The following OR14A2 variants were observed in gnomAD, a reference collection of about 807,000 sequenced individuals.
OR14A2 encodes the protein olfactory receptor 14A2.
For synonymous variants in OR14A2, 114 were observed against 58.6 expected (o/e 1.95, Z -4.32); for missense variants, 237 against 152.9 (o/e 1.55, Z -2.90).
the OR14A2 span, among the ~76,000 whole-genome samples, chr1:247,741,363 CT>C: frequency 6.6e-6 from 1 of 152,176 alleles, no homozygotes; most frequent in Admixed American, 6.6e-5. Flanking sequence ...TTTGTCACTA[CT>C]TCTTTAACAC....
At chr1:247,747,194 T>C in the OR14A2 span, 3 of 152,132 alleles carry the variant, frequency 2.0e-5, no homozygotes, top group African/African-American at 7.2e-5. Flanking sequence ...TTCCTTTCCA[T>C]AGTAGTCCAA....
At chr1:247,747,747 A>G in the OR14A2 span, among the ~76,000 whole-genome samples, 9 of 152,310 alleles carry the variant, frequency 5.9e-5, no homozygotes, top group South Asian at 1.5e-3. Context: ...ATGATTCACC[A>G]TGTAGGACTT....
the OR14A2 span, among the ~76,000 whole-genome samples, chr1:247,729,058 CT>C: frequency 6.6e-6 from 1 of 152,056 alleles, no homozygotes; most frequent in Non-Finnish European, 1.5e-5. Context: ...ATTTGCCTTT[CT>C]TTTATTTCAA....
the OR14A2 span, among the ~76,000 whole-genome samples, chr1:247,735,606 T>C: frequency 2.0e-5 from 3 of 151,710 alleles, no homozygotes; most frequent in Non-Finnish European, 2.9e-5. Flanking sequence ...CCCAGGAGAG[T>C]CCCATATAGT....
the OR14A2 span, among the ~76,000 whole-genome samples, chr1:247,731,403 G>C: frequency 6.6e-6 from 1 of 151,738 alleles, no homozygotes; most frequent in Non-Finnish European, 1.5e-5. Flanking sequence ...AAAGATTGGT[G>C]CTTATACTTT....
chr1:247,731,611 A>T, the OR14A2 span, among the ~76,000 whole-genome samples: 5 of 151,516 alleles, frequency 3.3e-5, no homozygotes, highest in Admixed American at 6.6e-5. Flanking sequence ...TAGATAATTT[A>T]TATGCTCTAT....
chr1:247,727,749 C>T (rs547094615), upstream of OR14A2, among the ~76,000 whole-genome samples: 4 of 148,264 alleles, frequency 2.7e-5, no homozygotes, highest in African/African-American at 7.7e-5. Flanking sequence ...ATATCACCAC[C>T]GATCCCACAG....
At chr1:247,728,790 T>G (rs1469212991), upstream of OR14A2, among the ~76,000 whole-genome samples, 17 of 152,210 alleles carry the variant, frequency 1.1e-4, no homozygotes. Context: ...GGACACAGGA[T>G]TACTCATCAG....
chr1:247,736,206 A>T, the OR14A2 span, among the ~76,000 whole-genome samples: 3 of 135,282 alleles, frequency 2.2e-5, no homozygotes, highest in Non-Finnish European at 4.6e-5. Flanking sequence ...TTGCTCTCTC[A>T]TTCTCTCCAT....
chr1:247,728,154 C>A (rs892319466), upstream of OR14A2, among the ~76,000 whole-genome samples: 8 of 151,978 alleles, frequency 5.3e-5, no homozygotes, highest in African/African-American at 1.7e-4. Context: ...CCTTGATGAA[C>A]ATTGATGCAA....
upstream of OR14A2, among the ~76,000 whole-genome samples, chr1:247,727,118 T>C (rs1418862175): frequency 6.6e-6 from 1 of 150,636 alleles, no homozygotes; most frequent in Non-Finnish European, 1.5e-5. Context: ...GTAAATTACC[T>C]TGGGCAGTAT....
chr1:247,742,230 T>G, the OR14A2 span, among the ~76,000 whole-genome samples: 1 of 152,220 alleles, frequency 6.6e-6, no homozygotes, highest in Non-Finnish European at 1.5e-5. Flanking sequence ...CCAGTCTGGT[T>G]TTCTTATACC....
chr1:247,733,496 A>G, the OR14A2 span, among the ~76,000 whole-genome samples: 3 of 152,130 alleles, frequency 2.0e-5, no homozygotes, highest in Admixed American at 6.6e-5. Context: ...CAATCATGCT[A>G]TCTGCTCATT....
At chr1:247,739,288 G>T in the OR14A2 span, 1 of 780,814 alleles carries the variant, frequency 1.3e-6, no homozygotes, top group Admixed American at 1.7e-5. Flanking sequence ...GCTGTGTTAA[G>T]GATATCACAG....
the OR14A2 span, chr1:247,739,146 G>A: frequency 4.8e-3 from 3,778 of 780,732 alleles, 101 homozygotes; most frequent in African/African-American, 0.055. Context: ...GTTCTTCTGC[G>A]ATGTCCCTGC....
chr1:247,738,458 A>C, the OR14A2 span, among the ~76,000 whole-genome samples: 1 of 152,218 alleles, frequency 6.6e-6, no homozygotes. Flanking sequence ...ACCTGAGTCC[A>C]TGAGAAATAT....
chr1:247,732,124 A>G, the OR14A2 span, among the ~76,000 whole-genome samples: 1 of 152,070 alleles, frequency 6.6e-6, no homozygotes, highest in Admixed American at 6.6e-5. Flanking sequence ...TGTGTGATTC[A>G]GGGGTAAGCC....
chr1:247,732,099 C>T, the OR14A2 span, among the ~76,000 whole-genome samples: 1 of 152,018 alleles, frequency 6.6e-6, no homozygotes, highest in Non-Finnish European at 1.5e-5. Context: ...GAATATCTTT[C>T]GGTCTTTCTG....
At chr1:247,739,150 T>C in the OR14A2 span, 2 of 780,934 alleles carry the variant, frequency 2.6e-6, no homozygotes, top group Non-Finnish European at 4.8e-6. Context: ...TTCTGCGATG[T>C]CCCTGCCCTA....
Sources: allele counts gnomAD v4.1 joint callset (sites outside exome capture counted in the v4.1 genomes callset), GRCh38; gene constraint gnomAD v4.1.1; transcripts MANE v1.5; gene names NCBI Gene and HGNC (gene_info 2026-07-23, HGNC 2026-07-21).